Variants in TIPIN observed in about 807,000 individuals in gnomAD.
TIPIN encodes TIMELESS-interacting protein.
Under a neutral mutation model 35.6 loss-of-function variants are expected in TIPIN, and 29 were observed. The observed-to-expected ratio is 0.82, with a 90% CI of 0.61 to 1.11. The LOEUF is 1.11. Ranked by LOEUF, TIPIN falls within the 50% of genes most tolerant of loss-of-function variation. The pLI is 0.00. For missense variants in TIPIN, 296 were observed against 345.4 expected, an observed-to-expected ratio of 0.86 and a Z score of 1.13; for synonymous variants, 102 against 121.5, an observed-to-expected ratio of 0.84 and a Z score of 1.06.
At chr15:66,339,292 G>A (rs75354474) in intron 7 of TIPIN, among the ~76,000 whole-genome samples, 2 of 125,696 alleles carry the variant, frequency 1.6e-5, no homozygotes, top group Non-Finnish European at 3.4e-5. Context: ...TTTTTTTTTT[G>A]TAGAGACGGG....
intron 1 of TIPIN, among the ~76,000 whole-genome samples, chr15:66,355,107 C>G (rs1001140898): frequency 1.4e-5 from 2 of 146,924 alleles, no homozygotes; most frequent in African/African-American, 5.1e-5. Context: ...GATCTCTGCT[C>G]ACTGCAAGCT....
chr15:66,355,096 C>A (rs1178880616), intron 1 of TIPIN, among the ~76,000 whole-genome samples: 1 of 145,434 alleles, frequency 6.9e-6, no homozygotes, highest in Non-Finnish European at 1.5e-5. Flanking sequence ...TGCAGTGGCG[C>A]GATCTCTGCT....
intron 1 of TIPIN, among the ~76,000 whole-genome samples, chr15:66,362,699 C>T (rs781486431): frequency 9.9e-5 from 15 of 151,860 alleles, no homozygotes; most frequent in East Asian, 3.8e-4. Flanking sequence ...CCAACCTAGG[C>T]GACAGAAAAG....
At chr15:66,371,004 A>G (rs1357121790) in intron 1 of TIPIN, among the ~76,000 whole-genome samples, 2 of 152,188 alleles carry the variant, frequency 1.3e-5, no homozygotes, top group Admixed American at 1.3e-4. Flanking sequence ...TGAGGCCAGG[A>G]GTTCGAGACC....
intron 1 of TIPIN, among the ~76,000 whole-genome samples, chr15:66,353,482 G>A (rs761920576): frequency 4.0e-5 from 6 of 151,800 alleles, no homozygotes; most frequent in Non-Finnish European, 8.8e-5. Flanking sequence ...CAGGCGTGGT[G>A]GCGGGCGCTT....
At chr15:66,355,414 T>TA (rs1294819966) in intron 1 of TIPIN, among the ~76,000 whole-genome samples, 3 of 151,544 alleles carry the variant, frequency 2.0e-5, no homozygotes, top group African/African-American at 7.3e-5. Context: ...AGACGATCTT[T>TA]AAAATCTCAC....
At chr15:66,361,477 A>G (rs1272142338), upstream of TIPIN, among the ~76,000 whole-genome samples, 1 of 151,110 alleles carries the variant, frequency 6.6e-6, no homozygotes, top group African/African-American at 2.4e-5. Context: ...GGATGGTCTC[A>G]ATCTCCTGAC....
At chr15:66,382,296 TTCTC>T (rs1204362307) in intron 1 of TIPIN, 2 of 968,350 alleles carry the variant, frequency 2.1e-6, no homozygotes, top group African/African-American at 1.8e-5. Context: ...TCTCAGGTCT[TTCTC>T]TCTCAAGTTG....
In TIPIN at chr15:66,382,112, T is replaced by TATCAGC. The variant is rs1333194672; in HGVS notation, c.-9+4494_-9+4495insGCTGAT. Among the ~76,000 whole-genome samples the TATCAGC allele has an allele frequency of 6.6e-5, 10 of 152,266 alleles. 2 individuals are homozygous for TATCAGC. Among genetic ancestry groups the TATCAGC allele is most frequent in the African/African-American group, 2.4e-4 (10 of 41,586 alleles). On this transcript the variant is annotated intron_variant, in intron 1 of 7. Coordinates refer to the TIPIN transcript ENST00000562124. ...AGATTATGTTTACATGATGAAAACC[T>TATCAGC]ATCACCATCACCATTTATTTAGCTC...
At chr15:66,342,186 C>CAAAAAAAAAAAAAAA (rs55711983) in intron 6 of TIPIN, among the ~76,000 whole-genome samples, 4 of 108,512 alleles carry the variant, frequency 3.7e-5, no homozygotes, top group African/African-American at 1.2e-4. Context: ...AAGACTGTCT[C>CAAAAAAAAAAAAAAA]AAAAAAAAAA....
chr15:66,374,866 G>A (rs2093290663), intron 1 of TIPIN, among the ~76,000 whole-genome samples: 1 of 152,052 alleles, frequency 6.6e-6, no homozygotes, highest in Non-Finnish European at 1.5e-5. Context: ...ACAGGTGTGA[G>A]CCACTGCGCC....
At chr15:66,368,922 T>C (rs1204462362) in intron 1 of TIPIN, among the ~76,000 whole-genome samples, 1 of 152,212 alleles carries the variant, frequency 6.6e-6, no homozygotes, top group Non-Finnish European at 1.5e-5. Flanking sequence ...ATGATGTCCC[T>C]GTTCTAACCC....
At chr15:66,364,149 C>CTTTCT (rs1420284247) in intron 1 of TIPIN, among the ~76,000 whole-genome samples, 43 of 140,606 alleles carry the variant, frequency 3.1e-4, no homozygotes, top group African/African-American at 9.7e-4. Context: ...ATAGAGAAAT[C>CTTTCT]TTTCTTTTCT....
At chr15:66,352,316 T>C in intron 2 of TIPIN, 109 bp from the exon 3 acceptor site, 3 of 823,288 alleles carry the variant, frequency 3.6e-6, no homozygotes, top group Non-Finnish European at 5.6e-6. Flanking sequence ...CACCTTTTTT[T>C]GAAACAGGGT....
chr15:66,386,024 G>A (rs1390134759), intron 1 of TIPIN, among the ~76,000 whole-genome samples: 2 of 149,774 alleles, frequency 1.3e-5, no homozygotes, highest in Non-Finnish European at 3.0e-5. Flanking sequence ...TCTTGCCTGG[G>A]CCTCCCAAAA....
At chr15:66,338,457 T>A (rs1215097671) in intron 7 of TIPIN, among the ~76,000 whole-genome samples, 3 of 152,122 alleles carry the variant, frequency 2.0e-5, no homozygotes, top group Non-Finnish European at 1.5e-5. Context: ...GCCACTGCCA[T>A]CAAGAATAAT....
rs373049176 is a variant in TIPIN at position 66,352,804 on chromosome 15, T to G, written c.133+11A>C. 6.2e-7 allele frequency: 1 copy of G among 1,606,442 alleles called. No homozygotes were observed. Among genetic ancestry groups the G allele is most frequent in the Non-Finnish European group, 8.5e-7 (1 of 1,177,508 alleles). On this transcript the variant is annotated intron_variant, in intron 2 of 7. Transcript: ENST00000261881. ...CCTCACAGCCTCCTTTTTAAAACTC[T>G]CTATACATACCTTCATCAGGCTCAG...
rs532654918 is a variant in TIPIN at position 66,369,514 on chromosome 15, A to T, written c.-8-16559T>A. On this transcript the variant is annotated intron_variant, in intron 1 of 7. Coordinates refer to the TIPIN transcript ENST00000562124. The stretch of plus-strand genomic sequence containing the variant: ...CAGGCGCCTGCCACCATGCCCGGCT[A>T]ATTTTTTGTATTTTTAGTAGAGACG... Among the ~76,000 whole-genome samples, 8 of 151,508 alleles carry T rather than the reference A, an allele frequency of 5.3e-5. No individual in the cohort carries two copies. In the East Asian group the frequency reaches 1.6e-3, roughly 29 times the overall value.
At chr15:66,359,061 A>T (rs1398302879), upstream of TIPIN, among the ~76,000 whole-genome samples, 2 of 150,884 alleles carry the variant, frequency 1.3e-5, no homozygotes, top group African/African-American at 2.4e-5. Flanking sequence ...AAAAAAATTT[A>T]AAAAACACTG....
Sources: allele counts gnomAD v4.1 joint callset (sites outside exome capture counted in the v4.1 genomes callset), GRCh38; gene constraint gnomAD v4.1.1; transcripts MANE v1.5; gene names NCBI Gene and HGNC (gene_info 2026-07-23, HGNC 2026-07-21).